The following THSD7B variants were observed in gnomAD, a reference collection of about 807,000 sequenced individuals.
THSD7B encodes thrombospondin type 1 domain containing 7B.
A neutral mutation model predicts 213.6 loss-of-function variants in THSD7B; 138 were observed. That is an observed-to-expected ratio of 0.65 (90% CI 0.56 to 0.74). THSD7B has a LOEUF of 0.74. Ranked by LOEUF, THSD7B falls within the 30% of genes least tolerant of loss-of-function variation. The pLI is 0.00. For missense variants in THSD7B, 1,931 were observed against 1,991.5 expected (o/e 0.97, Z 0.58); for synonymous variants, 742 against 687.0 (o/e 1.08, Z -1.25).
At chr2:136,872,892 G>A (rs1386172127) in intron 1 of THSD7B, among the ~76,000 whole-genome samples, 2 of 148,994 alleles carry the variant, frequency 1.3e-5, no homozygotes, top group Non-Finnish European at 3.0e-5. Context: ...TTATAAAGTA[G>A]GGGGAATTTT....
At chr2:136,766,971 G>GGT (rs1681408919) in intron 1 of THSD7B, among the ~76,000 whole-genome samples, 1 of 144,390 alleles carries the variant, frequency 6.9e-6, no homozygotes, top group Non-Finnish European at 1.5e-5. Context: ...ACTGTGGTGG[G>GGT]GTGTGTGTGT....
chr2:137,344,253 G>T (rs1684826480), intron 12 of THSD7B, among the ~76,000 whole-genome samples: 1 of 151,718 alleles, frequency 6.6e-6, no homozygotes, highest in Non-Finnish European at 1.5e-5. Context: ...TGCCAAAAAA[G>T]TTGGGGACCA....
intron 12 of THSD7B, among the ~76,000 whole-genome samples, chr2:137,299,697 A>AGTGTTTTAAT (rs1398397783): frequency 6.6e-5 from 10 of 152,138 alleles, no homozygotes; most frequent in African/African-American, 2.2e-4. Context: ...CTGTTTTCAC[A>AGTGTTTTAAT]CTTTTAAAAA....
intron 17 of THSD7B, among the ~76,000 whole-genome samples, chr2:137,605,993 G>A (rs1558857323): frequency 6.6e-6 from 1 of 151,628 alleles, no homozygotes; most frequent in Non-Finnish European, 1.5e-5. Context: ...TAGTAGAGAC[G>A]GGGTTTCATC....
chr2:137,051,373 T>C (rs529398813), intron 2 of THSD7B, among the ~76,000 whole-genome samples: 1 of 152,370 alleles, frequency 6.6e-6, no homozygotes, highest in South Asian at 2.1e-4. Context: ...GCTTGGGTTC[T>C]TAGATGCATT....
At chr2:137,607,850 A>G (rs137941019) in intron 17 of THSD7B, among the ~76,000 whole-genome samples, 58 of 152,352 alleles carry the variant, frequency 3.8e-4, no homozygotes, top group Admixed American at 3.4e-3. Flanking sequence ...TTAGTGTCAT[A>G]AAATATCAGA....
At chr2:137,164,226 T>A (rs758580094) in intron 6 of THSD7B, among the ~76,000 whole-genome samples, 3 of 151,952 alleles carry the variant, frequency 2.0e-5, no homozygotes, top group Non-Finnish European at 4.4e-5. Flanking sequence ...TGGGGAGTGT[T>A]TTGCCCCAAT....
At chr2:136,954,976 A>G (rs546582092) in intron 2 of THSD7B, among the ~76,000 whole-genome samples, 3 of 152,112 alleles carry the variant, frequency 2.0e-5, no homozygotes, top group Middle Eastern at 3.4e-3. Flanking sequence ...GAATTGAACT[A>G]TTTTACTTTT....
chr2:136,900,851 C>G (rs1370164939), intron 2 of THSD7B, among the ~76,000 whole-genome samples: 1 of 152,060 alleles, frequency 6.6e-6, no homozygotes, highest in Admixed American at 6.5e-5. Context: ...TAGCATGGAG[C>G]TTGAAGTCAA....
chr2:137,017,984 CT>C lies in THSD7B; in HGVS notation c.140-38422del, dbSNP rs557685032. Among the ~76,000 whole-genome samples the C allele has an allele frequency of 8.9e-3, 1,251 of 140,086 alleles. 27 individuals are homozygous for C. Among genetic ancestry groups the C allele is most frequent in the Admixed American group, 0.056 (787 of 13,978 alleles). The allele number at this position is 140,086 out of a possible 152,430, so 91.9% of individuals were successfully genotyped here. ...CGAGGGAAAGACACCTTTGTCTTCC[CT>C]TTTTTTTTTTTTTAAAGCTTCTTTG... On this transcript the variant is annotated intron_variant, in intron 2 of 27. Coordinates refer to ENST00000409968, the MANE Select transcript of THSD7B (RefSeq NM_001316349.2).
chr2:137,207,511 A>C (rs576913200), intron 7 of THSD7B, among the ~76,000 whole-genome samples: 1 of 152,220 alleles, frequency 6.6e-6, no homozygotes, highest in South Asian at 2.1e-4. Flanking sequence ...TAACCACCAG[A>C]GTGTAATGCA....
chr2:137,115,592 G>A (rs1209450566), intron 5 of THSD7B, among the ~76,000 whole-genome samples: 1 of 152,124 alleles, frequency 6.6e-6, no homozygotes. Flanking sequence ...TGCCAGGAAT[G>A]AATCAGTAAT....
intron 2 of THSD7B, among the ~76,000 whole-genome samples, chr2:137,053,652 G>T (rs900682246): frequency 6.6e-5 from 10 of 151,788 alleles, no homozygotes; most frequent in African/African-American, 2.4e-4. Flanking sequence ...TATTCTAAAT[G>T]AATTAAGTGT....
At chr2:137,350,237 T>C (rs1684977794) in intron 12 of THSD7B, among the ~76,000 whole-genome samples, 1 of 151,820 alleles carries the variant, frequency 6.6e-6, no homozygotes, top group South Asian at 2.1e-4. Context: ...GTACAATAAA[T>C]AAGTCTAATA....
chr2:137,586,458 G>T (rs1351125520), intron 17 of THSD7B, among the ~76,000 whole-genome samples: 3 of 152,112 alleles, frequency 2.0e-5, no homozygotes, highest in African/African-American at 7.2e-5. Flanking sequence ...TGGCATGTTT[G>T]TGCAGTGGGT....
chr2:136,973,046 T>C (rs1254818687), intron 2 of THSD7B, among the ~76,000 whole-genome samples: 3 of 152,216 alleles, frequency 2.0e-5, no homozygotes, highest in Non-Finnish European at 4.4e-5. Context: ...TTTCTCATAC[T>C]CATTACTGTC....
intron 12 of THSD7B, among the ~76,000 whole-genome samples, chr2:137,337,796 T>C (rs1190595658): frequency 1.3e-5 from 2 of 152,112 alleles, no homozygotes; most frequent in Non-Finnish European, 2.9e-5. Context: ...CTATTTATAT[T>C]GGCCCAGACT....
chr2:137,655,721 T>C (rs1365738807), intron 22 of THSD7B, 61 bp downstream of exon 22: 1 of 1,532,716 alleles, frequency 6.5e-7, no homozygotes, highest in Non-Finnish European at 8.8e-7. Flanking sequence ...ATTTTACTAC[T>C]GTTTTCCTAG....
chr2:137,224,105 G>T (rs2196346), intron 7 of THSD7B, among the ~76,000 whole-genome samples: 61,937 of 151,954 alleles, frequency 0.41, 12,761 homozygotes, highest in Middle Eastern at 0.49. Flanking sequence ...TAAGACATTT[G>T]GTTAGATTTT....
Sources: allele counts gnomAD v4.1 joint callset (sites outside exome capture counted in the v4.1 genomes callset), GRCh38; gene constraint gnomAD v4.1.1; transcripts MANE v1.5; gene names NCBI Gene and HGNC (gene_info 2026-07-23, HGNC 2026-07-21).